The following SEC24B variants were observed in gnomAD, a reference collection of about 807,000 sequenced individuals.
The protein encoded by SEC24B is SEC24 homolog B, COPII component, also known as protein transport protein Sec24B.
In SEC24B, 45 loss-of-function variants were observed where a neutral mutation model predicts 142.8. That is an observed-to-expected ratio of 0.32 (90% CI 0.25 to 0.40). The LOEUF is 0.40. Among genes scored for constraint, SEC24B ranks in the 10% least tolerant of loss-of-function variants. The pLI, the probability that SEC24B is intolerant of heterozygous loss-of-function variation, is 1.00. For missense variants in SEC24B, 1,409 were observed against 1,526.8 expected (o/e 0.92, Z 1.29); for synonymous variants, 574 against 568.2 (o/e 1.01, Z -0.15).
At chr4:109,524,683 C>T (rs1488702458) in intron 14 of SEC24B, 135 bp from the exon 15 acceptor site, 5 of 628,368 alleles carry the variant, frequency 8.0e-6, no homozygotes, top group Non-Finnish European at 1.0e-5. Context: ...CATAGGGAAT[C>T]TGCACCAAAT....
At chr4:109,477,835 A>G (rs1479442507) in intron 3 of SEC24B, among the ~76,000 whole-genome samples, 2 of 152,222 alleles carry the variant, frequency 1.3e-5, no homozygotes, top group Non-Finnish European at 2.9e-5. Context: ...TAAAATATAA[A>G]AATTAAGAAT....
At position 109,494,844 on chromosome 4, in the gene SEC24B, G is replaced by T. The variant is rs1318977222; in HGVS notation, c.1476G>T (p.Gln492His). ...QPSNPVYSGF[Q>H]QYPQQYPGVN... Reference sequence around the variant, plus strand: ...GTAACCCGGTATATTCTGGATTCCAGCAGTATCCTCAAGTATGTATTCAGT... The same window carrying T: ...GTAACCCGGTATATTCTGGATTCCATCAGTATCCTCAAGTATGTATTCAGT... Residue 492 changes from glutamine to histidine, a missense_variant, in exon 6 of 24, where the codon CAG (glutamine) becomes CAT (histidine). Around this residue, in one of 2 missense-constraint regions of SEC24B, gnomAD observed 709 missense variants for 673.5 expected, o/e 1.05. Transcript: ENST00000265175. The T allele has an allele frequency of 1.2e-6, 2 of 1,613,948 alleles. No individual in the cohort carries two copies. Among genetic ancestry groups the T allele is most frequent in the Non-Finnish European group, 1.7e-6 (2 of 1,179,942 alleles).
intron 10 of SEC24B, among the ~76,000 whole-genome samples, chr4:109,514,603 G>A (rs1561162439): frequency 6.6e-6 from 1 of 152,190 alleles, no homozygotes. Flanking sequence ...GGAGGCTGAG[G>A]CCGAGAATTG....
At chr4:109,511,718 T>C (rs1321322423) in intron 8 of SEC24B, among the ~76,000 whole-genome samples, 2 of 152,220 alleles carry the variant, frequency 1.3e-5, no homozygotes, top group East Asian at 3.9e-4. Context: ...ACTTACATTA[T>C]TTTCTTGGCC....
intron 3 of SEC24B, among the ~76,000 whole-genome samples, chr4:109,481,009 A>C (rs1041542191): frequency 6.6e-6 from 1 of 152,102 alleles, no homozygotes; most frequent in South Asian, 2.1e-4. Flanking sequence ...TCGGACTCAC[A>C]TGTAGGCAAT....
chr4:109,485,943 A>C (rs1192279289), intron 4 of SEC24B, among the ~76,000 whole-genome samples: 1 of 152,218 alleles, frequency 6.6e-6, no homozygotes, highest in Non-Finnish European at 1.5e-5. Flanking sequence ...GGAGAATCAG[A>C]AGTTACTGGG....
intron 7 of SEC24B, among the ~76,000 whole-genome samples, chr4:109,507,993 G>A (rs907713952): frequency 1.3e-5 from 2 of 151,952 alleles, no homozygotes; most frequent in Non-Finnish European, 2.9e-5. Flanking sequence ...AAAAAAAAGC[G>A]GCAAACCACT....
intron 21 of SEC24B, 79 bp downstream of exon 21, chr4:109,532,822 T>C: frequency 1.4e-6 from 1 of 694,420 alleles, no homozygotes; most frequent in Non-Finnish European, 2.6e-6. Context: ...GTCCAGCTGT[T>C]ATCACAGAGC....
chr4:109,494,713 G>T lies in SEC24B; in HGVS notation c.1345G>T (p.Val449Phe), dbSNP rs201228806. The change falls in exon 6 of 24, where the codon GTC becomes TTC. Residue 449 changes from valine (V) to phenylalanine (F), a missense_variant. Coordinates refer to ENST00000265175, the MANE Select transcript of SEC24B (RefSeq NM_006323.5). ...PAPASAPAPV[V>F]PQPSKMAKPF... is the part of the protein sequence containing the mutation. The stretch of plus-strand genomic sequence containing the variant: ...TCCAGCTTCAGCTCCAGCTCCTGTC[G>T]TCCCTCAGCCTTCAAAAATGGCTAA... The T allele has an allele frequency of 1.5e-5, 25 of 1,613,848 alleles. No individual in the cohort carries two copies. The highest frequency in any genetic ancestry group is 1.9e-5 in the Non-Finnish European group (23 of 1,179,920).
intron 20 of SEC24B, among the ~76,000 whole-genome samples, chr4:109,531,929 G>A (rs1724973926): frequency 6.6e-6 from 1 of 151,480 alleles, no homozygotes; most frequent in Non-Finnish European, 1.5e-5. Context: ...GTGTGATCTC[G>A]GCTCACTGCA....
intron 1 of SEC24B, among the ~76,000 whole-genome samples, chr4:109,435,928 A>G (rs1324731767): frequency 6.6e-6 from 1 of 152,182 alleles, no homozygotes; most frequent in East Asian, 1.9e-4. Context: ...TACAGCATGA[A>G]CTAAAGTTTG....
chr4:109,530,895 C>CAAAAAAAAAAAAAAAAAA (rs35997146), intron 19 of SEC24B, among the ~76,000 whole-genome samples: 1 of 46,342 alleles, frequency 2.2e-5, no homozygotes, highest in Non-Finnish European at 4.4e-5. Flanking sequence ...GACTCCGTCT[C>CAAAAAAAAAAAAAAAAAA]AAAAAAAAAA....
intron 3 of SEC24B, among the ~76,000 whole-genome samples, chr4:109,480,617 A>G (rs1733640539): frequency 6.6e-6 from 1 of 152,092 alleles, no homozygotes; most frequent in African/African-American, 2.4e-5. Flanking sequence ...AGTAGCTGGG[A>G]CTACAGGCGT....
intron 9 of SEC24B, among the ~76,000 whole-genome samples, chr4:109,512,394 T>A (rs1254868327): frequency 6.6e-6 from 1 of 152,166 alleles, no homozygotes. Flanking sequence ...ATTTGTATAT[T>A]TGGTTCATTC....
intron 14 of SEC24B, among the ~76,000 whole-genome samples, chr4:109,523,578 T>C (rs550632513): frequency 5.9e-5 from 9 of 152,320 alleles, no homozygotes; most frequent in African/African-American, 2.2e-4. Context: ...AAGCCCTATT[T>C]CAAATAATAA....
chr4:109,498,631 TGGGATCACA>T lies in SEC24B; in HGVS notation c.1488+3778_1488+3786del, dbSNP rs571166424. Among the ~76,000 whole-genome samples, 14 of 152,352 alleles carry T rather than the reference TGGGATCACA, an allele frequency of 9.2e-5. No homozygotes were observed. The South Asian group carries it at 2.9e-3, about 32-fold the overall frequency. On this transcript the variant is annotated intron_variant, in intron 6 of 23. Transcript: ENST00000265175. Reference sequence around the variant, plus strand: ...TGCCCGCCTTGGCCTCCCAAAGTGCTGGGATCACAGGTGTGACCCACCACGCCTGGCTCA... The same window carrying T: ...TGCCCGCCTTGGCCTCCCAAAGTGCTGGTGTGACCCACCACGCCTGGCTCA...
chr4:109,498,126 C>T (rs980541536), intron 6 of SEC24B, among the ~76,000 whole-genome samples: 5 of 152,048 alleles, frequency 3.3e-5, no homozygotes, highest in African/African-American at 1.2e-4. Context: ...AGGATTTGTA[C>T]AGTAAAAAAT....
At chr4:109,489,643 G>A (rs569924076) in intron 4 of SEC24B, among the ~76,000 whole-genome samples, 30 of 142,332 alleles carry the variant, frequency 2.1e-4, no homozygotes, top group African/African-American at 7.8e-4. Context: ...GTATATATAT[G>A]ATATATATGG....
chr4:109,512,997 T>TG (rs1737524722), intron 9 of SEC24B, among the ~76,000 whole-genome samples: 1 of 132,950 alleles, frequency 7.5e-6, no homozygotes, highest in South Asian at 2.5e-4. Context: ...TTTTTGGAGA[T>TG]GGAGTCTCAC....
Sources: gnomAD v4.1 joint callset for allele counts (sites outside exome capture counted in the v4.1 genomes callset) on GRCh38, gnomAD v4.1.1 for gene constraint, gnomAD v4.1.1 regional missense constraint, MANE v1.5 for transcripts, NCBI Gene and HGNC (gene_info 2026-07-23, HGNC 2026-07-21) for gene names.